SCN9A: variants seen among roughly 807,000 people sequenced by gnomAD.
The protein encoded by SCN9A is sodium voltage-gated channel alpha subunit 9.
In SCN9A, 131 loss-of-function variants were observed where a neutral mutation model predicts 187.0. The observed-to-expected ratio is 0.70, with a 90% CI of 0.61 to 0.81. The LOEUF (loss-of-function observed/expected upper bound fraction) is 0.81. Among genes scored for constraint, SCN9A ranks in the 30% least tolerant of loss-of-function variants. SCN9A has a pLI of 0.00. For synonymous variants in SCN9A, 809 were observed against 808.6 expected, an observed-to-expected ratio of 1.00 and a Z score of -0.01; for missense variants, 2,252 against 2,396.6, an observed-to-expected ratio of 0.94 and a Z score of 1.26.
intron 8 of SCN9A, among the ~76,000 whole-genome samples, chr2:166,293,919 C>T (rs1434836923): frequency 6.6e-6 from 1 of 152,072 alleles, no homozygotes; most frequent in African/African-American, 2.4e-5. Context: ...TTTCCTGATG[C>T]CATTAAATAA....
intron 1 of SCN9A, among the ~76,000 whole-genome samples, chr2:166,329,986 G>C (rs1303247479): frequency 6.6e-6 from 1 of 152,036 alleles, no homozygotes; most frequent in Non-Finnish European, 1.5e-5. Context: ...CTTTGGCTTT[G>C]TCCTTCGATG....
chr2:166,212,223 G>A (rs1013038120), intron 24 of SCN9A, among the ~76,000 whole-genome samples: 1 of 152,080 alleles, frequency 6.6e-6, no homozygotes, highest in Non-Finnish European at 1.5e-5. Flanking sequence ...CAGGACCTGT[G>A]GATAAAAAAA....
intron 9 of SCN9A, among the ~76,000 whole-genome samples, chr2:166,289,410 A>G (rs532025321): frequency 2.7e-5 from 4 of 150,826 alleles, no homozygotes; most frequent in African/African-American, 9.8e-5. Flanking sequence ...CCCACCTCTC[A>G]CTCATGAGTG....
rs200163274 is a variant in SCN9A, at chr2:166,272,629, G to A, written c.3121C>T (p.His1041Tyr). The A allele has an allele frequency of 3.1e-6, 5 of 1,612,890 alleles. No individual in the cohort carries two copies. Among genetic ancestry groups the A allele is most frequent in the East Asian group, 2.2e-5 (1 of 44,786 alleles). The change falls in exon 17 of 27, where the codon CAT becomes TAT. Residue 1041 changes from histidine to tyrosine, a missense_variant. Coordinates refer to ENST00000642356, the MANE Select transcript of SCN9A (RefSeq NM_001365536.1). Reference sequence around the variant, plus strand: ...CCTTTGCTCATTTCAGCAAGTGTATGGTTAGAAATATAGTTTTCCTTCTTA... The same window carrying A: ...CCTTTGCTCATTTCAGCAAGTGTATAGTTAGAAATATAGTTTTCCTTCTTA... ...NTKKENYISN[H>Y]TLAEMSKGHN... is the part of the protein sequence containing the mutation.
At chr2:166,342,374 C>T (rs912441132) in intron 1 of SCN9A, among the ~76,000 whole-genome samples, 3 of 152,138 alleles carry the variant, frequency 2.0e-5, no homozygotes, top group African/African-American at 7.2e-5. Context: ...TTCAATGTGC[C>T]AATGGTCAAC....
intron 18 of SCN9A, among the ~76,000 whole-genome samples, chr2:166,243,967 A>T (rs897030779): frequency 6.6e-6 from 1 of 151,960 alleles, no homozygotes; most frequent in Non-Finnish European, 1.5e-5. Flanking sequence ...GTTGTAACAG[A>T]TTCAAGACAT....
rs78906046 is a variant in SCN9A at position 166,366,693 on chromosome 2, A to T, written c.-51+9004T>A. Among the ~76,000 whole-genome samples, 74 of 152,304 alleles carry T rather than the reference A, an allele frequency of 4.9e-4. No individual in the cohort carries two copies. In the East Asian group the frequency reaches 0.013, roughly 26 times the overall value. On this transcript the variant is annotated intron_variant, in intron 1 of 26. Transcript: ENST00000642356. Reference sequence around the variant, plus strand: ...TAACAGCCATCTTAACAGGTGTGAGATGATTATCTCATTGCAGTGCTGATA... The same window carrying T: ...TAACAGCCATCTTAACAGGTGTGAGTTGATTATCTCATTGCAGTGCTGATA...
chr2:166,266,568 G>A (rs1053646616), intron 17 of SCN9A, among the ~76,000 whole-genome samples: 3 of 106,844 alleles, frequency 2.8e-5, no homozygotes, highest in African/African-American at 1.1e-4. Context: ...TCATACAAAT[G>A]TTAGGACTTT....
rs200364146 is a variant in SCN9A, at chr2:166,199,762, C to G, written c.4877G>C (p.Gly1626Ala). ...GAGCAGCGTGCGGATCCCCTTTGCT[C>G]CTTTGACTAGACGTAGGATTCGGCC... Reference protein sequence around the residue: ...RIGRILRLVKGAKGIRTLLFA... With the variant: ...RIGRILRLVKAAKGIRTLLFA... Residue 1626 changes from glycine to alanine, a missense_variant, in exon 27 of 27, where the codon GGA (glycine) becomes GCA (alanine). By Grantham distance (60) the Gly-to-Ala change is moderately conservative. Around this residue, in one of 7 missense-constraint regions of SCN9A, gnomAD observed 84 missense variants for 134.2 expected, o/e 0.63. Coordinates refer to ENST00000642356, the MANE Select transcript of SCN9A (RefSeq NM_001365536.1). The G allele has an allele frequency of 1.6e-5, 26 of 1,613,890 alleles. No homozygotes were observed. The highest frequency in any genetic ancestry group is 2.0e-5 in the Non-Finnish European group (24 of 1,180,014).
chr2:166,327,227 C>T lies in SCN9A; in HGVS notation c.-50-15421G>A, dbSNP rs573615359. ...AGGTTGCAGTGCAATACTGTGATCA[C>T]GGCTCACTGGAGCATCATCCTCGTG... On this transcript the variant is annotated intron_variant, in intron 1 of 26. Coordinates refer to ENST00000642356, the MANE Select transcript of SCN9A (RefSeq NM_001365536.1). Among the ~76,000 whole-genome samples the T allele has an allele frequency of 4.6e-5, 7 of 152,248 alleles. No homozygotes were observed. The South Asian group carries it at 1.0e-3, about 23-fold the overall frequency.
intron 11 of SCN9A, among the ~76,000 whole-genome samples, chr2:166,285,959 A>G (rs1002773177): frequency 6.6e-6 from 1 of 152,216 alleles, no homozygotes; most frequent in Non-Finnish European, 1.5e-5. Context: ...AAGAAAGAAG[A>G]GAAACTAGTC....
chr2:166,242,689 T>C, intron 18 of SCN9A, 33 bp from the exon 19 acceptor site: 2 of 1,491,848 alleles, frequency 1.3e-6, no homozygotes, highest in African/African-American at 1.4e-5. Context: ...TAAATCTTGA[T>C]ATTCAGAATA....
chr2:166,208,203 G>A (rs931970649), intron 24 of SCN9A, among the ~76,000 whole-genome samples: 1 of 152,104 alleles, frequency 6.6e-6, no homozygotes, highest in Non-Finnish European at 1.5e-5. Context: ...AATCTACATT[G>A]AGGCTGTATT....
chr2:166,326,654 C>G (rs182041228), intron 1 of SCN9A, among the ~76,000 whole-genome samples: 1 of 152,140 alleles, frequency 6.6e-6, no homozygotes, highest in Admixed American at 6.5e-5. Context: ...GGAGAAATAG[C>G]CAAATAGGAC....
chr2:166,278,852 A>C (rs1212894585), intron 14 of SCN9A, among the ~76,000 whole-genome samples: 5 of 152,190 alleles, frequency 3.3e-5, no homozygotes, highest in Admixed American at 3.3e-4. Context: ...ACAAAAGTGC[A>C]TTGCAAAATA....
Position 166,311,721 on chromosome 2 carries a change from A to C in SCN9A, c.36T>G (p.Phe12Leu). 2.5e-6 allele frequency: 4 copies of C among 1,610,844 alleles called. No individual in the cohort carries two copies. The highest frequency in any genetic ancestry group is 3.4e-6 in the Non-Finnish European group (4 of 1,177,766). Residue 12 changes from phenylalanine (F) to leucine (L), a missense_variant, in exon 2 of 27, where the codon TTT becomes TTG. Physicochemically the swap from Phe to Leu is conservative, Grantham distance 22. Coordinates refer to ENST00000642356, the MANE Select transcript of SCN9A (RefSeq NM_001365536.1). ...AMLPPPGPQS[F>L]VHFTKQSLAL... ...CAAGAGACTGTTTTGTGAAATGGACAAAGCTCTGAGGTCCTGGGGGAGGCA... is the reference window on the plus strand; with the variant it reads ...CAAGAGACTGTTTTGTGAAATGGACCAAGCTCTGAGGTCCTGGGGGAGGCA...
chr2:166,295,048 C>T (rs544006290), intron 7 of SCN9A, among the ~76,000 whole-genome samples: 10 of 152,210 alleles, frequency 6.6e-5, no homozygotes, highest in African/African-American at 2.2e-4. Flanking sequence ...CAGTCAGGGA[C>T]GGTCTTTCTA....
intron 7 of SCN9A, among the ~76,000 whole-genome samples, chr2:166,296,456 A>C (rs1405876770): frequency 6.6e-6 from 1 of 152,202 alleles, no homozygotes; most frequent in Non-Finnish European, 1.5e-5. Flanking sequence ...CTTTCCTGAA[A>C]ACACTCCTGA....
chr2:166,292,347 G>T (rs1698112212), intron 9 of SCN9A, among the ~76,000 whole-genome samples: 1 of 152,052 alleles, frequency 6.6e-6, no homozygotes, highest in Admixed American at 6.6e-5. Flanking sequence ...TACCTCTGAT[G>T]AAAAATTATT....
Sources: gnomAD v4.1 joint callset for allele counts (sites outside exome capture counted in the v4.1 genomes callset) on GRCh38, gnomAD v4.1.1 for gene constraint, gnomAD v4.1.1 regional missense constraint, MANE v1.5 for transcripts, NCBI Gene and HGNC (gene_info 2026-07-23, HGNC 2026-07-21) for gene names.